CXCL16: variants seen among roughly 807,000 people sequenced by gnomAD.
CXCL16 encodes C-X-C motif chemokine 16.
CXCL16 carries 18 observed loss-of-function variants against 23.8 expected under a neutral mutation model. That is an observed-to-expected ratio of 0.76 (90% CI 0.52 to 1.12). CXCL16 has a LOEUF of 1.12. Ranked by LOEUF, CXCL16 falls within the 50% of genes most tolerant of loss-of-function variation. CXCL16 has a pLI of 0.00. For synonymous variants in CXCL16, 123 were observed against 132.5 expected, an observed-to-expected ratio of 0.93 and a Z score of 0.49; for missense variants, 297 against 315.4, an observed-to-expected ratio of 0.94 and a Z score of 0.44.
intron 3 of CXCL16, among the ~76,000 whole-genome samples, chr17:4,737,928 G>A (rs1169696964): frequency 1.3e-4 from 20 of 151,180 alleles, no homozygotes; most frequent in Non-Finnish European, 2.1e-4. Context: ...CCAGGAGTTC[G>A]AGACCAGCCT....
rs1916271065 is a variant in CXCL16, at chr17:4,739,346, G to A, written c.-7C>T. On this transcript the variant is annotated 5_prime_UTR_variant, in exon 1 of 6. Coordinates refer to ENST00000293778, the MANE Select transcript of CXCL16 (RefSeq NM_001386809.1). This position sits in a 1 kb window ranked among gnomAD's most constrained non-coding sequence, Gnocchi z 5.3. ...GCCGCAAGTCCCGTCCCATCTCGGG[G>A]CTCCGCGGACTCTGCGGGGATGGAG... 5 of 1,613,264 alleles carry A rather than the reference G, an allele frequency of 3.1e-6. No homozygotes were observed. The South Asian group carries it at 5.5e-5, about 18-fold the overall frequency.
Position 4,734,638 on chromosome 17 carries a change from A to C in CXCL16, c.733T>G (p.Tyr245Asp). Residue 245 changes from tyrosine (Y) to aspartate (D), a missense_variant, in exon 5 of 6, where the codon TAT (tyrosine) becomes GAT (aspartate). Tyr to Asp is a radical substitution (Grantham distance 160, BLOSUM62 -3). Coordinates refer to ENST00000293778, the MANE Select transcript of CXCL16 (RefSeq NM_001386809.1). ...PQSSPDLPVH[Y>D]IPVAPDSNT is the part of the protein sequence containing the mutation. ...TTAGAGTCAGGTGCCACAGGTATAT[A>C]ATGAACCGGCAGATCTGGAAAGGAT... The C allele has an allele frequency of 6.2e-7, 1 of 1,612,030 alleles. No homozygotes were observed. The highest frequency in any genetic ancestry group is 8.5e-7 in the Non-Finnish European group (1 of 1,178,158).
Position 4,735,156 on chromosome 17 carries a change from G to A in CXCL16, c.654C>T (p.Leu218=). The part of the protein sequence containing the change: ...VLCLLAIIFI[L]TAALSYVLCK... ...ACAGCACATAGGAAAGGGCTGCGGT[G>A]AGGATGAAGATGATGGCCAGGAGGC... The change falls in exon 4 of 6, where the codon CTC becomes CTT. Residue 218 remains leucine, a synonymous_variant. Transcript: ENST00000293778. 1 of 1,614,112 alleles carries A rather than the reference G, an allele frequency of 6.2e-7. No homozygotes were observed. The highest frequency in any genetic ancestry group is 8.5e-7 in the Non-Finnish European group (1 of 1,180,024).
In CXCL16 at chr17:4,739,048, A is replaced by AC. The variant is rs1407631811; in HGVS notation, c.80-129dup. On this transcript the variant is annotated intron_variant, in intron 1 of 5. Transcript: ENST00000293778. This position sits in a 1 kb window ranked among gnomAD's most constrained non-coding sequence, Gnocchi z 5.3. The stretch of plus-strand genomic sequence containing the variant: ...ACCCAGGGTCAGAGCGCCAGGCTCA[A>AC]CCCACACATCATCACGCCCCCGACA... 3.9e-6 allele frequency: 5 copies of AC among 1,266,086 alleles called. No homozygotes were observed. Among genetic ancestry groups the AC allele is most frequent in the Non-Finnish European group, 3.2e-6 (3 of 924,124 alleles). The allele number at this position is 1,266,086 out of a possible 1,614,324, so 78.4% of individuals were successfully genotyped here.
At position 4,734,204 on chromosome 17, in the gene CXCL16, TCAAAA is replaced by T. The variant is rs1419709035; in HGVS notation, c.*294_*298del. 1.0e-5 allele frequency: 2 copies of T among 191,778 alleles called. No individual in the cohort carries two copies. Among genetic ancestry groups the T allele is most frequent in the Admixed American group, 5.8e-5 (1 of 17,338 alleles). The allele number at this position is 191,778 out of a possible 1,614,324, so 11.9% of individuals were successfully genotyped here. A position where few individuals can be genotyped will look rare whatever the true frequency, so the allele number is the denominator to read the frequency against. ...CTGGATGACAGAGCGAGACTCCGTC[TCAAAA>T]CAAAGCAAAGCAAAACAAAACAAAA... On this transcript the variant is annotated 3_prime_UTR_variant, in exon 6 of 6. Transcript: ENST00000293778.
At chr17:4,737,575 TAAAAAAAAAAAAA>T (rs55694753) in intron 3 of CXCL16, among the ~76,000 whole-genome samples, 14 of 42,038 alleles carry the variant, frequency 3.3e-4, no homozygotes, top group Admixed American at 7.5e-4. Context: ...AAGACTCCAT[TAAAAAAAAAAAAA>T]AAAAAAAAAA....
In CXCL16 at chr17:4,739,491, C is replaced by T. The variant is rs1916279544; in HGVS notation, c.-152G>A. 5.9e-6 allele frequency: 7 copies of T among 1,191,228 alleles called. No individual in the cohort carries two copies. In the South Asian group the frequency reaches 9.0e-5, roughly 15 times the overall value. 73.8% of individuals were successfully genotyped at this position (1,191,228 alleles called of 1,614,324 possible). A position where few individuals can be genotyped will look rare whatever the true frequency, so the allele number is the denominator to read the frequency against. On this transcript the variant is annotated 5_prime_UTR_variant, in exon 1 of 6. Coordinates refer to ENST00000293778, the MANE Select transcript of CXCL16 (RefSeq NM_001386809.1). This position sits in a 1 kb window ranked among gnomAD's most constrained non-coding sequence, Gnocchi z 5.3. ...AGAGGAGGCGCGAGCCAGCTGCACC[C>T]CCCGGCCCTGCTGTGCCCCGACCGT...
At chr17:4,737,193 G>GA (rs1174710842) in intron 3 of CXCL16, among the ~76,000 whole-genome samples, 1 of 151,538 alleles carries the variant, frequency 6.6e-6, no homozygotes, top group African/African-American at 2.4e-5. Flanking sequence ...GAACTCAAAA[G>GA]AAAAAAAAGC....
intron 3 of CXCL16, among the ~76,000 whole-genome samples, chr17:4,737,366 T>TGC: frequency 7.0e-6 from 1 of 143,370 alleles, no homozygotes. Flanking sequence ...TCACCTGAGG[T>TGC]CAGGAGTTTG....
intron 3 of CXCL16, among the ~76,000 whole-genome samples, chr17:4,737,575 TAAA>T (rs55694753): frequency 9.5e-5 from 4 of 42,032 alleles, no homozygotes; most frequent in Admixed American, 3.8e-4. Context: ...AAGACTCCAT[TAAA>T]AAAAAAAAAA....
intron 3 of CXCL16, 116 bp from the exon 4 acceptor site, chr17:4,735,624 T>C: frequency 1.6e-6 from 1 of 614,370 alleles, no homozygotes. Context: ...GGGTCAAGGC[T>C]GATACCCCTA....
chr17:4,737,599 AGAAAT>A (rs1451685026), intron 3 of CXCL16, among the ~76,000 whole-genome samples: 5,549 of 139,864 alleles, frequency 0.04, 187 homozygotes, highest in Non-Finnish European at 0.063. Context: ...AAAAAAAAAA[AGAAAT>A]GCATCAAGAA....
chr17:4,733,625 T>G lies in CXCL16; in HGVS notation c.*878A>C, dbSNP rs1411447430. On this transcript the variant is annotated 3_prime_UTR_variant, in exon 6 of 6. Transcript: ENST00000293778. ...AATAAAAACAAGATCAGACTCTCAC[T>G]GGGGTAGGCAAGGGACTGAGGAGGT... 1.2e-5 allele frequency: 2 copies of G among 162,506 alleles called. No homozygotes were observed. Among genetic ancestry groups the G allele is most frequent in the Non-Finnish European group, 2.7e-5 (2 of 73,486 alleles). 10.1% of individuals were successfully genotyped at this position (162,506 alleles called of 1,614,324 possible). A position where few individuals can be genotyped will look rare whatever the true frequency, so the allele number is the denominator to read the frequency against.
At position 4,739,315 on chromosome 17, in the gene CXCL16, A is replaced by G. The variant is rs1008101337; in HGVS notation, c.25T>C (p.Ser9Pro). The G allele has an allele frequency of 6.2e-6, 10 of 1,611,982 alleles. No homozygotes were observed. In the African/African-American group the frequency reaches 9.4e-5, roughly 15 times the overall value. The change falls in exon 1 of 6, where the codon TCC (serine) becomes CCC (proline). Residue 9 changes from serine (S) to proline (P), a missense_variant. Ser to Pro is a moderately conservative substitution (Grantham distance 74). Coordinates refer to ENST00000293778, the MANE Select transcript of CXCL16 (RefSeq NM_001386809.1). The surrounding 1 kb of genome is among the most constrained non-coding windows in gnomAD (Gnocchi z 5.3). MGRDLRPG[S>P]RVLLLLLLLL... Reference sequence around the variant, plus strand: ...AGAAGCAGGAGCAGGAGCACGCGGGACCCGGGCCGCAAGTCCCGTCCCATC... The same window carrying G: ...AGAAGCAGGAGCAGGAGCACGCGGGGCCCGGGCCGCAAGTCCCGTCCCATC...
In CXCL16 at chr17:4,739,447, C is replaced by A; in HGVS notation, c.-108G>T. 6.5e-7 allele frequency: 1 copy of A among 1,541,364 alleles called. No homozygotes were observed. The highest frequency in any genetic ancestry group is 2.3e-4 in the Middle Eastern group (1 of 4,268). On this transcript the variant is annotated 5_prime_UTR_variant, in exon 1 of 6. Coordinates refer to ENST00000293778, the MANE Select transcript of CXCL16 (RefSeq NM_001386809.1). This position sits in a 1 kb window ranked among gnomAD's most constrained non-coding sequence, Gnocchi z 5.3. ...TGTCTCAATGGCTTTCGCCGGGGAC[C>A]GGAGGAGACGGCGGCCGGAGAGGAG...
In CXCL16 at chr17:4,739,224, A is replaced by G. The variant is rs1173613593; in HGVS notation, c.79+37T>C. On this transcript the variant is annotated intron_variant, in intron 1 of 5. Transcript: ENST00000293778. The surrounding 1 kb of genome is among the most constrained non-coding windows in gnomAD (Gnocchi z 5.3). ...CCCCAACTCACCCCCTTCCCGTGAC[A>G]GGGGAATCTGGGTCCCCTGCCCCGC... 1.3e-6 allele frequency: 2 copies of G among 1,564,220 alleles called. No individual in the cohort carries two copies. Among genetic ancestry groups the G allele is most frequent in the Admixed American group, 1.9e-5 (1 of 52,708 alleles).
Position 4,735,483 on chromosome 17 carries a change from A to G in CXCL16, c.327T>C (p.Ile109=), listed in dbSNP as rs1267947983. 6.6e-7 allele frequency: 1 copy of G among 1,508,892 alleles called. No homozygotes were observed. The highest frequency in any genetic ancestry group is 2.3e-5 in the East Asian group (1 of 43,730). 93.5% of individuals were successfully genotyped at this position (1,508,892 alleles called of 1,614,324 possible). The change falls in exon 4 of 6, where the codon ATT becomes ATC. Residue 109 remains isoleucine (I), a synonymous_variant. Coordinates refer to ENST00000293778, the MANE Select transcript of CXCL16 (RefSeq NM_001386809.1). ...LKECGHAYSG[I]VAHQKHLLPT... ...GAAGTAAATGCTTCTGGTGGGCCAC[A>G]ATCCCCGAGTAAGCATGTCCACATT...
At position 4,738,424 on chromosome 17, in the gene CXCL16, G is replaced by A; in HGVS notation, c.285C>T (p.Ser95=). The A allele has an allele frequency of 6.2e-7, 1 of 1,613,800 alleles. No homozygotes were observed. Among genetic ancestry groups the A allele is most frequent in the Non-Finnish European group, 8.5e-7 (1 of 1,179,662 alleles). ...NKDPWVQELM[S]CLDLKECGHA... ...AAGTCTCACCTTTGAGATCAAGACA[G>A]CTCATCAATTCCTGAACCCATGGGT... Residue 95 remains serine (S), a synonymous_variant, in exon 3 of 6, where the codon AGC becomes AGT. Transcript: ENST00000293778. The surrounding 1 kb of genome is among the most constrained non-coding windows in gnomAD (Gnocchi z 4.0).
At position 4,739,908 on chromosome 17, in the gene CXCL16, G is replaced by A; in HGVS notation, c.-569C>T. 2.0e-6 allele frequency: 2 copies of A among 985,362 alleles called. No individual in the cohort carries two copies. The highest frequency in any genetic ancestry group is 2.4e-6 in the Non-Finnish European group (2 of 830,026). 61.0% of individuals were successfully genotyped at this position (985,362 alleles called of 1,614,324 possible). A position where few individuals can be genotyped will look rare whatever the true frequency, so the allele number is the denominator to read the frequency against. The stretch of plus-strand genomic sequence containing the variant: ...AGCCCCGGCCGCGCGCACCTGCGGG[G>A]CAGCCACCCGCGGACGCACCGAGCC... On this transcript the variant is annotated 5_prime_UTR_variant, in exon 1 of 6. Coordinates refer to ENST00000293778, the MANE Select transcript of CXCL16 (RefSeq NM_001386809.1). The surrounding 1 kb of genome is among the most constrained non-coding windows in gnomAD (Gnocchi z 5.3).
Sources: allele counts gnomAD v4.1 joint callset (sites outside exome capture counted in the v4.1 genomes callset), GRCh38; gene constraint gnomAD v4.1.1; non-coding constraint Gnocchi (gnomAD v3.1); transcripts MANE v1.5; gene names NCBI Gene and HGNC (gene_info 2026-07-23, HGNC 2026-07-21).